The following SBNO1 variants were observed in gnomAD, a reference collection of about 807,000 sequenced individuals.
SBNO1 encodes strawberry notch homolog 1, also known as protein strawberry notch homolog 1.
A neutral mutation model predicts 173.6 loss-of-function variants in SBNO1; 23 were observed. The observed-to-expected ratio is 0.13, with a 90% confidence interval of 0.10 to 0.19. SBNO1 has a LOEUF of 0.19. SBNO1 is among the 10% of genes least tolerant of loss of function. The pLI is 1.00. For synonymous variants in SBNO1, 632 were observed against 571.5 expected, an observed-to-expected ratio of 1.11 and a Z score of -1.51; for missense variants, 1,238 against 1,671.2, an observed-to-expected ratio of 0.74 and a Z score of 4.52.
At chr12:123,356,010 G>C (rs1300766839) in intron 1 of SBNO1, among the ~76,000 whole-genome samples, 1 of 152,132 alleles carries the variant, frequency 6.6e-6, no homozygotes, top group Non-Finnish European at 1.5e-5. Context: ...GGGGGACAAG[G>C]TTCCTCTTGC....
chr12:123,309,270 G>C, intron 28 of SBNO1, 40 bp downstream of exon 28: 1 of 1,420,124 alleles, frequency 7.0e-7, no homozygotes, highest in Non-Finnish European at 1.0e-6. Context: ...CCATTAAAAA[G>C]TATTATATAT....
At chr12:123,347,118 G>A (rs1415153802) in intron 3 of SBNO1, among the ~76,000 whole-genome samples, 4 of 151,080 alleles carry the variant, frequency 2.6e-5, no homozygotes, top group Non-Finnish European at 4.4e-5. Flanking sequence ...GAAATGTGTC[G>A]CAAAGTAGGA....
Position 123,331,368 on chromosome 12 carries a change from T to C in SBNO1, c.917A>G (p.Glu306Gly), listed in dbSNP as rs1326697875. The part of the protein sequence containing the change: ...EAITYAAQQH[E>G]TFLPNGDRAG... The stretch of plus-strand genomic sequence containing the variant: ...ACGATCTCCATTAGGTAGGAAAGTT[T>C]CATGTTGCTGAAAAACAAAAGGCTG... The change falls in exon 8 of 32, where the codon GAA (glutamate) becomes GGA (glycine). Residue 306 changes from glutamate to glycine, a missense_variant. By Grantham distance (98) the Glu-to-Gly change is moderately conservative (BLOSUM62 -2). This residue lies in a region of SBNO1 where 78 missense variants were observed against 103.3 expected (regional missense o/e 0.76). Transcript: ENST00000602398. 1.2e-6 allele frequency: 2 copies of C among 1,613,466 alleles called. No homozygotes were observed. Among genetic ancestry groups the C allele is most frequent in the Non-Finnish European group, 8.5e-7 (1 of 1,179,790 alleles).
At chr12:123,364,440 G>T (rs61955086) in intron 1 of SBNO1, 35,580 of 985,512 alleles carry the variant, frequency 0.036, 732 homozygotes, top group Non-Finnish European at 0.039. Context: ...CCCGGAGCCC[G>T]AAAGCCCCAC....
chr12:123,321,576 A>T lies in SBNO1; in HGVS notation c.2282T>A (p.Phe761Tyr). ...KNMSSGDDDD[F>Y]NPFLDESNED... ...ATTAGACTCATCTAAAAATGGGTTG[A>T]AATCGTCATCATCTCCAGAACTCAT... The change falls in exon 17 of 32, where the codon TTC becomes TAC. Residue 761 changes from phenylalanine (F) to tyrosine (Y), a missense_variant. Around this residue, in one of 14 missense-constraint regions of SBNO1, gnomAD observed 3 missense variants for 18.2 expected, o/e 0.17. Coordinates refer to ENST00000602398, the MANE Select transcript of SBNO1 (RefSeq NM_001167856.3). 2 of 1,614,090 alleles carry T rather than the reference A, an allele frequency of 1.2e-6. No homozygotes were observed. The highest frequency in any genetic ancestry group is 1.7e-6 in the Non-Finnish European group (2 of 1,179,938).
At chr12:123,322,579 G>A (rs1870110719) in intron 16 of SBNO1, among the ~76,000 whole-genome samples, 1 of 151,974 alleles carries the variant, frequency 6.6e-6, no homozygotes, top group African/African-American at 2.4e-5. Context: ...TTACAGGCGT[G>A]AGCCACTGTG....
intron 21 of SBNO1, among the ~76,000 whole-genome samples, chr12:123,315,906 T>C (rs915925133): frequency 2.6e-5 from 4 of 152,198 alleles, no homozygotes; most frequent in South Asian, 2.1e-4. Flanking sequence ...TTTCCCAAAA[T>C]TGTTTTTCAA....
In SBNO1 at chr12:123,324,450, T is replaced by C. The variant is rs563862773; in HGVS notation, c.1974-619A>G. Among the ~76,000 whole-genome samples, 6 of 152,020 alleles carry C rather than the reference T, an allele frequency of 3.9e-5. No individual in the cohort carries two copies. The South Asian group carries it at 1.2e-3, about 32-fold the overall frequency. The stretch of plus-strand genomic sequence containing the variant: ...AATTCTCCTGCCTCAGCCTCTCCAG[T>C]AGCTGGGATTACAGGTGCCCGCCAC... On this transcript the variant is annotated intron_variant, in intron 15 of 31. Transcript: ENST00000602398.
chr12:123,341,288 A>C (rs1872535580), intron 4 of SBNO1, among the ~76,000 whole-genome samples, 200 bp from the exon 5 acceptor site: 1 of 151,978 alleles, frequency 6.6e-6, no homozygotes, highest in Admixed American at 6.6e-5. Flanking sequence ...ATCTCTACTA[A>C]AAATACAGAA....
chr12:123,364,420 C>T (rs1185227306), intron 1 of SBNO1: 11 of 985,418 alleles, frequency 1.1e-5, no homozygotes, highest in African/African-American at 1.7e-5. Context: ...CGGCCCGGGA[C>T]AGCGGGGCTC....
chr12:123,341,616 A>G (rs1872580847), intron 4 of SBNO1, among the ~76,000 whole-genome samples: 1 of 151,910 alleles, frequency 6.6e-6, no homozygotes, highest in Admixed American at 6.6e-5. Context: ...CCTCCTCCCG[A>G]GTTCAAGCGA....
Position 123,355,583 on chromosome 12 carries a change from G to A in SBNO1, c.1-5142C>T, listed in dbSNP as rs185696929. On this transcript the variant is annotated intron_variant, in intron 1 of 31. Coordinates refer to ENST00000602398, the MANE Select transcript of SBNO1 (RefSeq NM_001167856.3). Reference sequence around the variant, plus strand: ...CGCAGCACTGCACTCCAGCCTGGGCGACAGACCGAGACTCCATCTCCAACA... The same window carrying A: ...CGCAGCACTGCACTCCAGCCTGGGCAACAGACCGAGACTCCATCTCCAACA... Among the ~76,000 whole-genome samples the A allele has an allele frequency of 5.9e-3, 896 of 151,804 alleles. 7 individuals carry two copies. The highest frequency in any genetic ancestry group is 0.024 in the Middle Eastern group (7 of 294).
chr12:123,334,709 A>AT (rs1871629405), intron 6 of SBNO1, among the ~76,000 whole-genome samples: 1 of 152,052 alleles, frequency 6.6e-6, no homozygotes, highest in African/African-American at 2.4e-5. Context: ...CTCTGTCTCA[A>AT]AAAATAAATA....
At chr12:123,342,911 T>C (rs569348942) in intron 4 of SBNO1, among the ~76,000 whole-genome samples, 1 of 152,310 alleles carries the variant, frequency 6.6e-6, no homozygotes, top group Admixed American at 6.5e-5. Context: ...GAAGAGTATT[T>C]GGGAGGACTA....
At chr12:123,297,728 A>C (rs2048656710) in intron 31 of SBNO1, among the ~76,000 whole-genome samples, 1 of 152,172 alleles carries the variant, frequency 6.6e-6, no homozygotes, top group Admixed American at 6.6e-5. Context: ...CCAAGAGTAG[A>C]GAAGGAGAGC....
chr12:123,322,180 T>C (rs980052129), intron 16 of SBNO1, among the ~76,000 whole-genome samples: 1 of 152,212 alleles, frequency 6.6e-6, no homozygotes, highest in Non-Finnish European at 1.5e-5. Context: ...TTGCCCAGGC[T>C]GGAGTGCAGT....
chr12:123,301,956 TAA>T (rs2048804277), intron 30 of SBNO1, among the ~76,000 whole-genome samples: 1 of 151,896 alleles, frequency 6.6e-6, no homozygotes. Context: ...TTTTTTTTTT[TAA>T]GAGACAGTTT....
Position 123,309,432 on chromosome 12 carries a change from A to G in SBNO1, c.3538-30T>C, listed in dbSNP as rs2049002084. On this transcript the variant is annotated intron_variant, in intron 27 of 31. Transcript: ENST00000602398. ...AAGAGAAACAACGAAATTTAAACTCATTTCTGTAAATGCATCTCATGGGAA... is the reference window on the plus strand; with the variant it reads ...AAGAGAAACAACGAAATTTAAACTCGTTTCTGTAAATGCATCTCATGGGAA... 3 of 1,602,736 alleles carry G rather than the reference A, an allele frequency of 1.9e-6. 1 individual carries two copies. Among genetic ancestry groups the G allele is most frequent in the African/African-American group, 2.7e-5 (2 of 74,734 alleles).
intron 1 of SBNO1, among the ~76,000 whole-genome samples, chr12:123,352,243 T>C (rs564094268): frequency 6.6e-6 from 1 of 152,242 alleles, no homozygotes; most frequent in Non-Finnish European, 1.5e-5. Flanking sequence ...AGCTAGTCCA[T>C]TTGTTCTCAG....
Sources: gnomAD v4.1 joint callset for allele counts (sites outside exome capture counted in the v4.1 genomes callset) on GRCh38, gnomAD v4.1.1 for gene constraint, gnomAD v4.1.1 regional missense constraint, MANE v1.5 for transcripts, NCBI Gene and HGNC (gene_info 2026-07-23, HGNC 2026-07-21) for gene names.